LRP3: variants seen among roughly 807,000 people sequenced by gnomAD.
LRP3 encodes LDL receptor related protein 3.
LRP3 carries 49 observed loss-of-function variants against 58.5 expected under a neutral mutation model. The ratio of observed to expected loss-of-function variants is 0.84; its 90% CI spans 0.67 to 1.06. The LOEUF is 1.06. Ranked by LOEUF, LRP3 falls within the 50% of genes least tolerant of loss-of-function variation. LRP3 has a pLI of 0.00. For synonymous variants in LRP3, 485 were observed against 492.2 expected (o/e 0.99, Z 0.20); for missense variants, 1,019 against 1,134.2 (o/e 0.90, Z 1.46).
Position 33,205,852 on chromosome 19 carries a change from C to A in LRP3, c.1082C>A (p.Thr361Asn). The A allele has an allele frequency of 6.3e-7, 1 of 1,598,300 alleles. No individual in the cohort carries two copies. ...AGCGCCGGCCACGGCTTCAATGCCA[C>A]CTACCAGGTGAAGGGCTATTGCCTC... ...ARSAGHGFNATYQVKGYCLPW... is the reference protein window; with the variant it reads ...ARSAGHGFNANYQVKGYCLPW... Residue 361 changes from threonine to asparagine, a missense_variant, in exon 5 of 7, where the codon ACC (threonine) becomes AAC (asparagine). Physicochemically the swap from Thr to Asn is moderately conservative, Grantham distance 65. This residue lies in a region of LRP3 where 592 missense variants were observed against 725.5 expected (regional missense o/e 0.82). Coordinates refer to ENST00000253193, the MANE Select transcript of LRP3 (RefSeq NM_002333.4).
chr19:33,203,024 G>A (rs752525580), intron 3 of LRP3, 38 bp downstream of exon 3: 3 of 1,604,782 alleles, frequency 1.9e-6, no homozygotes, highest in African/African-American at 2.7e-5. Context: ...AATCAATGTG[G>A]GCCCACGTGC....
rs1057343150 is a variant in LRP3, at chr19:33,208,662, G to C, written c.*1087G>C. The C allele has an allele frequency of 3.5e-5, 21 of 596,782 alleles. No individual in the cohort carries two copies. Among genetic ancestry groups the C allele is most frequent in the Non-Finnish European group, 4.7e-5 (16 of 343,084 alleles). The allele number at this position is 596,782 out of a possible 1,614,324, so 37.0% of individuals were successfully genotyped here. ...CCATCAGGGACTCCCCATAGCACGA[G>C]CGAACAGCCAGCCCTGTTTATTTAT... is the stretch of plus-strand genomic sequence containing the variant. On this transcript the variant is annotated 3_prime_UTR_variant, in exon 7 of 7. Coordinates refer to ENST00000253193, the MANE Select transcript of LRP3 (RefSeq NM_002333.4). The surrounding 1 kb of genome is among the most constrained non-coding windows in gnomAD (Gnocchi z 4.7).
chr19:33,205,769 C>T lies in LRP3; in HGVS notation c.999C>T (p.Pro333=), dbSNP rs201117260. Residue 333 remains proline, a synonymous_variant, in exon 5 of 7, where the codon CCC becomes CCT. Coordinates refer to ENST00000253193, the MANE Select transcript of LRP3 (RefSeq NM_002333.4). The part of the protein sequence containing the change: ...QTLSYRSNHR[P]VSLEAAQGRL... ...TGTCCTACCGCAGCAACCACCGGCC[C>T]GTGAGCCTGGAGGCCGCCCAGGGCC... 7.8e-4 allele frequency: 1,235 copies of T among 1,589,538 alleles called. 3 individuals carry two copies. The East Asian group carries it at 9.3e-3, about 12-fold the overall frequency.
intron 1 of LRP3, among the ~76,000 whole-genome samples, chr19:33,196,232 C>A (rs1274982955): frequency 6.6e-6 from 1 of 152,024 alleles, no homozygotes; most frequent in Non-Finnish European, 1.5e-5. Context: ...CGAGCAAAGC[C>A]CCTTGGTAGG....
chr19:33,206,114 C>T lies in LRP3; in HGVS notation c.1344C>T (p.Asp448=), dbSNP rs375909358. Residue 448 remains aspartate (D), a synonymous_variant, in exon 5 of 7, where the codon GAC becomes GAT. Transcript: ENST00000253193. ...AGAAAAGCTGTCCCGACGGCGCCGA[C>T]GAGAAGAACTGCTTCTCCTGCCAGC... The part of the protein sequence containing the change: ...NNQKSCPDGA[D]EKNCFSCQPG... 9.5e-5 allele frequency: 153 copies of T among 1,609,710 alleles called. 2 individuals carry two copies. The highest frequency in any genetic ancestry group is 6.6e-4 in the Middle Eastern group (4 of 6,062).
chr19:33,208,423 C>T lies in LRP3; in HGVS notation c.*848C>T, dbSNP rs1480732133. 4 of 210,736 alleles carry T rather than the reference C, an allele frequency of 1.9e-5. No individual in the cohort carries two copies. The highest frequency in any genetic ancestry group is 1.4e-4 in the South Asian group (2 of 14,156). The allele number at this position is 210,736 out of a possible 1,614,324, so 13.1% of individuals were successfully genotyped here. A position where few individuals can be genotyped will look rare whatever the true frequency, so the allele number is the denominator to read the frequency against. On this transcript the variant is annotated 3_prime_UTR_variant, in exon 7 of 7. Coordinates refer to ENST00000253193, the MANE Select transcript of LRP3 (RefSeq NM_002333.4). The surrounding 1 kb of genome is among the most constrained non-coding windows in gnomAD (Gnocchi z 4.7). ...TGGGTGGCCGAGCTCAGACTGGCAT[C>T]GAGGGGCCTGGGGTAGGGGCGGACT...
intron 1 of LRP3, among the ~76,000 whole-genome samples, chr19:33,196,402 T>TA (rs916283891): frequency 2.1e-4 from 30 of 145,076 alleles, no homozygotes; most frequent in African/African-American, 8.3e-4. Context: ...AAATAAAAAA[T>TA]AAAAAAATAA....
At chr19:33,197,025 G>A (rs1424792827) in intron 2 of LRP3, among the ~76,000 whole-genome samples, 1 of 152,218 alleles carries the variant, frequency 6.6e-6, no homozygotes, top group Non-Finnish European at 1.5e-5. Context: ...GAGCCAGTGA[G>A]GCAAGCTCTT....
chr19:33,194,918 C>A, intron 1 of LRP3, 60 bp downstream of exon 1: 1 of 900,660 alleles, frequency 1.1e-6, no homozygotes, highest in Non-Finnish European at 1.4e-6. Flanking sequence ...CCGCGCCGCG[C>A]CCTGACCGAC....
At position 33,198,376 on chromosome 19, in the gene LRP3, C is replaced by T. The variant is rs77754907; in HGVS notation, c.121+1599C>T. On this transcript the variant is annotated intron_variant, in intron 2 of 6. Coordinates refer to ENST00000253193, the MANE Select transcript of LRP3 (RefSeq NM_002333.4). The stretch of plus-strand genomic sequence containing the variant: ...GGTGCCCTCTGTGATGGGAGCTGCA[C>T]GCCCAGCGCGCAAGGCCATGGGTGG... Among the ~76,000 whole-genome samples the T allele has an allele frequency of 5.0e-3, 765 of 152,314 alleles. 15 individuals carry two copies. The East Asian group carries it at 0.069, about 14-fold the overall frequency.
intron 1 of LRP3, among the ~76,000 whole-genome samples, 180 bp from the exon 2 acceptor site, chr19:33,196,550 G>A (rs1974287598): frequency 6.6e-6 from 1 of 152,146 alleles, no homozygotes; most frequent in Non-Finnish European, 1.5e-5. Context: ...CAGGGAGGTG[G>A]GGGTGAGGTG....
At chr19:33,195,831 G>A (rs1974279562) in intron 1 of LRP3, among the ~76,000 whole-genome samples, 1 of 152,210 alleles carries the variant, frequency 6.6e-6, no homozygotes, top group South Asian at 2.1e-4. Context: ...GCTGCTGGGT[G>A]CTGGCATCCC....
Position 33,208,772 on chromosome 19 carries a change from A to G in LRP3, c.*1197A>G, listed in dbSNP as rs1281352951. On this transcript the variant is annotated 3_prime_UTR_variant, in exon 7 of 7. Transcript: ENST00000253193. The surrounding 1 kb of genome is among the most constrained non-coding windows in gnomAD (Gnocchi z 4.7). ...TAGGGCTTCCTTAAACAGGCTTCTG[A>G]GAGTCGTATCTTTTTTCTTTTTTTT... The G allele has an allele frequency of 7.3e-7, 1 of 1,372,922 alleles. No individual in the cohort carries two copies. The highest frequency in any genetic ancestry group is 1.0e-6 in the Non-Finnish European group (1 of 984,550). 85.0% of individuals were successfully genotyped at this position (1,372,922 alleles called of 1,614,324 possible).
intron 3 of LRP3, 200 bp from the exon 4 acceptor site, chr19:33,204,438 A>C: frequency 1.6e-6 from 1 of 613,080 alleles, no homozygotes; most frequent in South Asian, 1.9e-5. Context: ...TCCCGTGCAC[A>C]CCTGGATGGG....
chr19:33,208,617 C>A lies in LRP3; in HGVS notation c.*1042C>A. ...ATGTGTGCACCCACCGAGGTACGCC[C>A]CAGCCACTCCCATCTGTGCCCATCA... On this transcript the variant is annotated 3_prime_UTR_variant, in exon 7 of 7. Transcript: ENST00000253193. The surrounding 1 kb of genome is among the most constrained non-coding windows in gnomAD (Gnocchi z 4.7). The A allele has an allele frequency of 1.9e-6, 1 of 515,852 alleles. No individual in the cohort carries two copies. The allele number at this position is 515,852 out of a possible 1,614,324, so 32.0% of individuals were successfully genotyped here.
intron 2 of LRP3, among the ~76,000 whole-genome samples, chr19:33,199,474 GA>G (rs34874673): frequency 0.51 from 65,953 of 129,718 alleles, 17,113 homozygotes; most frequent in Non-Finnish European, 0.63. Context: ...TCTTGTCTCA[GA>G]AAAAAAAAAA....
At chr19:33,200,833 C>G (rs79971677) in intron 2 of LRP3, among the ~76,000 whole-genome samples, 2,864 of 152,314 alleles carry the variant, frequency 0.019, 85 homozygotes, top group African/African-American at 0.066. Context: ...GCTTGCACCT[C>G]ACTGACCTGG....
At chr19:33,206,835 G>T in intron 6 of LRP3, 102 bp downstream of exon 6, 1 of 1,349,012 alleles carries the variant, frequency 7.4e-7, no homozygotes, top group Non-Finnish European at 9.9e-7. Context: ...GGCCTGCGCA[G>T]GGTGACCTGA....
Position 33,205,716 on chromosome 19 carries a change from G to A in LRP3, c.946G>A (p.Glu316Lys), listed in dbSNP as rs779227870. ...DYVQVYEGLG[E>K]RGDRLLQTLS... The stretch of plus-strand genomic sequence containing the variant: ...CGTGCAGGTATACGAGGGCCTGGGC[G>A]AGCGCGGGGACCGCCTGCTGCAGAC... The change falls in exon 5 of 7, where the codon GAG (glutamate) becomes AAG (lysine). Residue 316 changes from glutamate (E) to lysine (K), a missense_variant. By Grantham distance (56) the Glu-to-Lys change is moderately conservative. Transcript: ENST00000253193. 6 of 1,601,804 alleles carry A rather than the reference G, an allele frequency of 3.7e-6. No individual in the cohort carries two copies. The highest frequency in any genetic ancestry group is 5.1e-6 in the Non-Finnish European group (6 of 1,178,212).
Sources: gnomAD v4.1 joint callset for allele counts (sites outside exome capture counted in the v4.1 genomes callset) on GRCh38, gnomAD v4.1.1 for gene constraint, gnomAD v4.1.1 regional missense constraint, Gnocchi (gnomAD v3.1) non-coding constraint, MANE v1.5 for transcripts, NCBI Gene and HGNC (gene_info 2026-07-23, HGNC 2026-07-21) for gene names.